Variants in TBC1D2B observed in about 807,000 individuals in gnomAD.
TBC1D2B encodes the protein TBC1 domain family, member 2B.
TBC1D2B carries 64 observed loss-of-function variants against 100.8 expected under a neutral mutation model. The observed-to-expected ratio is 0.64, with a 90% CI of 0.52 to 0.78. The LOEUF (loss-of-function observed/expected upper bound fraction) is 0.78. Ranked by LOEUF, TBC1D2B falls within the 30% of genes least tolerant of loss-of-function variation. TBC1D2B has a pLI of 0.00. For synonymous variants in TBC1D2B, 480 were observed against 479.7 expected (o/e 1.00, Z -0.01); for missense variants, 1,052 against 1,218.4 (o/e 0.86, Z 2.03).
At position 77,997,938 on chromosome 15, in the gene TBC1D2B, T is replaced by C. The variant is rs141983192; in HGVS notation, c.*222A>G. The C allele has an allele frequency of 7.6e-3, 3,010 of 398,058 alleles. 21 individuals carry two copies. Among genetic ancestry groups the C allele is most frequent in the South Asian group, 0.011 (159 of 13,936 alleles). The allele number at this position is 398,058 out of a possible 1,614,324, so 24.7% of individuals were successfully genotyped here. ...AACCAGGCAGAAAGCGTGACTGAGA[T>C]ACGTGTAACCAAAAGCATGGCACGG... is the stretch of plus-strand genomic sequence containing the variant. On this transcript the variant is annotated 3_prime_UTR_variant, in exon 13 of 13. Transcript: ENST00000300584.
intron 3 of TBC1D2B, among the ~76,000 whole-genome samples, chr15:78,033,086 T>C (rs1049886948): frequency 6.6e-6 from 1 of 152,158 alleles, no homozygotes; most frequent in Non-Finnish European, 1.5e-5. Flanking sequence ...ACAAATAATA[T>C]TTAAAGTTTT....
In TBC1D2B at chr15:78,077,556, C is replaced by G. The variant is rs1178997650; in HGVS notation, c.97G>C (p.Glu33Gln). 6.9e-7 allele frequency: 1 copy of G among 1,458,930 alleles called. No homozygotes were observed. Among genetic ancestry groups the G allele is most frequent in the African/African-American group, 1.5e-5 (1 of 67,714 alleles). The allele number at this position is 1,458,930 out of a possible 1,614,324, so 90.4% of individuals were successfully genotyped here. ...AAEPGAGPAR[E>Q]PARLCGYLQK... is the part of the protein sequence containing the mutation. ...AGATAGCCACACAGCCGCGCTGGCTCCCGCGCCGGACCCGCCCCGGGCTCC... is the reference window on the plus strand; with the variant it reads ...AGATAGCCACACAGCCGCGCTGGCTGCCGCGCCGGACCCGCCCCGGGCTCC... The change falls in exon 1 of 13, where the codon GAG (glutamate) becomes CAG (glutamine). Residue 33 changes from glutamate to glutamine, a missense_variant. Coordinates refer to ENST00000300584, the MANE Select transcript of TBC1D2B (RefSeq NM_144572.2).
At chr15:78,045,541 T>C (rs2073177172) in intron 2 of TBC1D2B, among the ~76,000 whole-genome samples, 1 of 144,020 alleles carries the variant, frequency 6.9e-6, no homozygotes, top group Non-Finnish European at 1.6e-5. Flanking sequence ...TTGTAAAGAG[T>C]GACAGTGAAA....
intron 6 of TBC1D2B, 93 bp from the exon 7 acceptor site, chr15:78,018,050 T>C (rs1269189603): frequency 3.2e-6 from 2 of 633,546 alleles, no homozygotes; most frequent in African/African-American, 3.8e-5. Context: ...GCTTCACCAA[T>C]CAAATAGCCC....
At chr15:78,021,207 A>G (rs1370770330) in intron 6 of TBC1D2B, among the ~76,000 whole-genome samples, 5 of 152,232 alleles carry the variant, frequency 3.3e-5, no homozygotes, top group Non-Finnish European at 7.3e-5. Context: ...AAATCTTTAC[A>G]GGCAGCATCC....
At chr15:78,059,704 G>A (rs1279272392) in intron 1 of TBC1D2B, among the ~76,000 whole-genome samples, 1 of 152,118 alleles carries the variant, frequency 6.6e-6, no homozygotes, top group East Asian at 1.9e-4. Context: ...AAACCCAGAA[G>A]CCCACTCTTG....
intron 2 of TBC1D2B, among the ~76,000 whole-genome samples, chr15:78,052,279 C>A (rs556661935): frequency 6.6e-6 from 1 of 152,178 alleles, no homozygotes; most frequent in Non-Finnish European, 1.5e-5. Context: ...GAGGCCCTAA[C>A]TGCCAGAAAC....
At chr15:78,026,081 A>C (rs1260786612) in intron 4 of TBC1D2B, among the ~76,000 whole-genome samples, 1 of 151,938 alleles carries the variant, frequency 6.6e-6, no homozygotes, top group Non-Finnish European at 1.5e-5. Context: ...AGACATACTA[A>C]GCATCCTATT....
At chr15:78,059,941 G>A (rs1567033306) in intron 1 of TBC1D2B, among the ~76,000 whole-genome samples, 1 of 152,120 alleles carries the variant, frequency 6.6e-6, no homozygotes. Context: ...ACAGGGAGTC[G>A]GGCCTCATCA....
intron 9 of TBC1D2B, among the ~76,000 whole-genome samples, chr15:78,011,794 A>G (rs964236252): frequency 6.6e-5 from 10 of 151,764 alleles, no homozygotes; most frequent in African/African-American, 2.4e-4. Context: ...GATTACAGGC[A>G]TGTGCCACCG....
intron 6 of TBC1D2B, among the ~76,000 whole-genome samples, chr15:78,021,487 C>A (rs1448440591): frequency 6.6e-6 from 1 of 152,184 alleles, no homozygotes; most frequent in Admixed American, 6.5e-5. Flanking sequence ...CTCCCTGGAG[C>A]CTTTCCAGTT....
intron 8 of TBC1D2B, among the ~76,000 whole-genome samples, chr15:78,014,897 T>C (rs751969186): frequency 3.9e-5 from 6 of 152,186 alleles, no homozygotes; most frequent in Non-Finnish European, 5.9e-5. Context: ...CGTCTGGCAT[T>C]TGCTTTAAAA....
intron 6 of TBC1D2B, 72 bp downstream of exon 6, chr15:78,024,084 C>T (rs2072587921): frequency 1.8e-5 from 27 of 1,504,236 alleles, no homozygotes; most frequent in Middle Eastern, 2.2e-4. Flanking sequence ...AATCAGCTCA[C>T]GGAGGCCAGG....
In TBC1D2B at chr15:78,016,731, G is replaced by T; in HGVS notation, c.1590C>A (p.Ser530Arg). The T allele has an allele frequency of 6.5e-7, 1 of 1,547,664 alleles. No homozygotes were observed. The highest frequency in any genetic ancestry group is 1.3e-5 in the South Asian group (1 of 78,966). The change falls in exon 8 of 13, where the codon AGC becomes AGA. Residue 530 changes from serine (S) to arginine (R), a missense_variant. By Grantham distance (110) the Ser-to-Arg change is moderately radical. Around this residue, in one of 4 missense-constraint regions of TBC1D2B, gnomAD observed 373 missense variants for 464.9 expected, o/e 0.80. Transcript: ENST00000300584. ...RERDLMAKYSSLEAKLCQIES... is the reference protein window; with the variant it reads ...RERDLMAKYSRLEAKLCQIES... Reference sequence around the variant, plus strand: ...CTATCTGGCAGAGCTTGGCTTCCAGGCTAGAATACTGCAGAGAATGTGGTG... The same window carrying T: ...CTATCTGGCAGAGCTTGGCTTCCAGTCTAGAATACTGCAGAGAATGTGGTG...
At chr15:78,057,170 A>G (rs1431590712) in intron 1 of TBC1D2B, among the ~76,000 whole-genome samples, 1 of 152,022 alleles carries the variant, frequency 6.6e-6, no homozygotes, top group Non-Finnish European at 1.5e-5. Flanking sequence ...CTGGGAAACA[A>G]TCAGTAACCT....
intron 3 of TBC1D2B, 53 bp from the exon 4 acceptor site, chr15:78,030,223 G>A (rs945430242): frequency 7.4e-6 from 11 of 1,494,204 alleles, no homozygotes; most frequent in African/African-American, 2.8e-5. Context: ...AAAACAAAAC[G>A]TAATCTCATG....
chr15:78,068,983 A>C (rs1243134300), intron 1 of TBC1D2B, among the ~76,000 whole-genome samples: 1 of 139,200 alleles, frequency 7.2e-6, no homozygotes, highest in East Asian at 2.2e-4. Context: ...TCCCAAACTG[A>C]CAGTCACTTC....
intron 2 of TBC1D2B, among the ~76,000 whole-genome samples, chr15:78,049,958 C>A (rs906528251): frequency 1.3e-5 from 2 of 152,232 alleles, no homozygotes; most frequent in African/African-American, 4.8e-5. Context: ...ACTACCATGA[C>A]TGATACTTCA....
chr15:78,077,008 G>C (rs528068022), intron 1 of TBC1D2B, among the ~76,000 whole-genome samples: 53 of 152,326 alleles, frequency 3.5e-4, no homozygotes, highest in South Asian at 1.2e-3. Context: ...GGTGGGGGTC[G>C]GGAGACACCA....
Sources: gnomAD v4.1 joint callset for allele counts (sites outside exome capture counted in the v4.1 genomes callset) on GRCh38, gnomAD v4.1.1 for gene constraint, gnomAD v4.1.1 regional missense constraint, MANE v1.5 for transcripts, NCBI Gene and HGNC (gene_info 2026-07-23, HGNC 2026-07-21) for gene names.